VPS35L: variants seen among roughly 807,000 people sequenced by gnomAD.
VPS35L encodes the protein VPS35 endosomal protein-sorting factor-like.
VPS35L carries 83 observed loss-of-function variants against 133.0 expected under a neutral mutation model. That is an observed-to-expected ratio of 0.62 (90% CI 0.52 to 0.75). VPS35L has a LOEUF of 0.75. Ranked by LOEUF, VPS35L falls within the 30% of genes least tolerant of loss-of-function variation. The pLI is 0.00. For missense variants in VPS35L, 1,083 were observed against 1,206.8 expected (o/e 0.90, Z 1.52); for synonymous variants, 423 against 449.9 (o/e 0.94, Z 0.76).
In VPS35L at chr16:19,590,127, C is replaced by T. The variant is rs571566276; in HGVS notation, c.640-1663C>T. ...TCAGCACTATTGTTTTTACAGCTTA[C>T]ATTCCCGCCCCGCCCCCCCCCCCCC... On this transcript the variant is annotated intron_variant, in intron 7 of 30. Transcript: ENST00000417362. Among the ~76,000 whole-genome samples, 5 of 99,848 alleles carry T rather than the reference C, an allele frequency of 5.0e-5. No individual in the cohort carries two copies. In the East Asian group the frequency reaches 1.8e-3, roughly 36 times the overall value. The allele number at this position is 99,848 out of a possible 152,430, so 65.5% of individuals were successfully genotyped here.
chr16:19,618,869 C>G (rs1322091333), intron 14 of VPS35L, among the ~76,000 whole-genome samples: 2 of 151,228 alleles, frequency 1.3e-5, no homozygotes. Context: ...GACAGAACAT[C>G]ACTGGAGTGT....
intron 4 of VPS35L, among the ~76,000 whole-genome samples, chr16:19,573,690 G>A (rs1048460963): frequency 6.6e-6 from 1 of 152,138 alleles, no homozygotes; most frequent in East Asian, 1.9e-4. Context: ...GCGGGCACCT[G>A]TAATCCTAGC....
At chr16:19,587,262 T>G in intron 7 of VPS35L, 1 of 425,280 alleles carries the variant, frequency 2.4e-6, no homozygotes, top group South Asian at 1.7e-5. Flanking sequence ...GACATGAGAT[T>G]TGGGTGGGAA....
At chr16:19,690,086 T>C (rs1164255315) in intron 28 of VPS35L, among the ~76,000 whole-genome samples, 1 of 151,988 alleles carries the variant, frequency 6.6e-6, no homozygotes, top group Non-Finnish European at 1.5e-5. Flanking sequence ...CTAATTTTAT[T>C]TGGAGAGATG....
intron 11 of VPS35L, 118 bp downstream of exon 11, chr16:19,609,139 A>G (rs901245051): frequency 4.8e-6 from 4 of 836,562 alleles, no homozygotes; most frequent in Non-Finnish European, 7.8e-6. Context: ...ATGTGTGTTA[A>G]GCACCTTCTG....
In VPS35L at chr16:19,573,098, GATT is replaced by G. The variant is rs1971432213; in HGVS notation, c.286-18_286-16del. 6.2e-7 allele frequency: 1 copy of G among 1,610,636 alleles called. No individual in the cohort carries two copies. Among genetic ancestry groups the G allele is most frequent in the Non-Finnish European group, 8.5e-7 (1 of 1,178,050 alleles). ...ATCAAAATGATATTGCTGCTGAAGA[GATT>G]ATCTTGCCTTTCTTTAGGACAGCTC... On this transcript the variant is annotated intron_variant, in intron 3 of 30. Transcript: ENST00000417362.
intron 26 of VPS35L, among the ~76,000 whole-genome samples, chr16:19,667,750 AAC>A (rs1974743199): frequency 1.3e-5 from 2 of 151,890 alleles, no homozygotes; most frequent in African/African-American, 4.8e-5. Flanking sequence ...AAAAAAAAAA[AAC>A]CAGAAAAAAA....
intron 14 of VPS35L, chr16:19,617,597 T>A (rs1052361677): frequency 7.9e-5 from 12 of 152,266 alleles, no homozygotes; most frequent in Non-Finnish European, 1.5e-4. Context: ...CCAGTTGAAG[T>A]ATTGTCAGGA....
intron 28 of VPS35L, among the ~76,000 whole-genome samples, chr16:19,689,040 CTTTTTTT>C (rs766276644): frequency 1.5e-5 from 2 of 134,692 alleles, no homozygotes; most frequent in Non-Finnish European, 3.2e-5. Context: ...GGTGTCTCTT[CTTTTTTT>C]TTTTTTTTTT....
At chr16:19,596,001 G>A (rs531870774) in intron 8 of VPS35L, among the ~76,000 whole-genome samples, 50 of 152,128 alleles carry the variant, frequency 3.3e-4, no homozygotes, top group African/African-American at 1.1e-3. Flanking sequence ...AAAATTAGCC[G>A]GGCATGGTGG....
chr16:19,615,557 G>A (rs1972858934), intron 12 of VPS35L, among the ~76,000 whole-genome samples: 1 of 152,160 alleles, frequency 6.6e-6, no homozygotes, highest in South Asian at 2.1e-4. Flanking sequence ...GGCTGAGGCA[G>A]GAGAATTGCT....
At chr16:19,667,713 G>A (rs1459581634) in intron 26 of VPS35L, among the ~76,000 whole-genome samples, 4 of 143,658 alleles carry the variant, frequency 2.8e-5, no homozygotes, top group African/African-American at 1.0e-4. Context: ...CAGCCTGTGC[G>A]ACAGAGCAAG....
Position 19,691,371 on chromosome 16 carries a change from TC to T in VPS35L, c.2547del (p.Tyr850ThrfsTer18). ...HIDKVDSNDS[L>X]YGGDSKFLAE... ...TCAACAGTGGACTCCAACGACAGCCTCTACGGGGGAGACTCCAAGTTCCTGG... is the reference window on the plus strand; with the variant it reads ...TCAACAGTGGACTCCAACGACAGCCTTACGGGGGAGACTCCAAGTTCCTGG... On this transcript the variant is annotated frameshift_variant, in exon 29 of 31. Coordinates refer to ENST00000417362, the MANE Select transcript of VPS35L (RefSeq NM_020314.7). LOFTEE classifies it high-confidence loss of function. 1 of 1,613,778 alleles carries T rather than the reference TC, an allele frequency of 6.2e-7. No individual in the cohort carries two copies. Among genetic ancestry groups the T allele is most frequent in the Non-Finnish European group, 8.5e-7 (1 of 1,179,734 alleles).
chr16:19,628,596 T>C, intron 16 of VPS35L, 41 bp from the exon 17 acceptor site: 1 of 1,131,762 alleles, frequency 8.8e-7, no homozygotes, highest in Middle Eastern at 2.0e-4. Context: ...GTTAATTTGA[T>C]TTAAAATTTC....
At chr16:19,597,034 CCAA>C (rs968851192) in intron 8 of VPS35L, among the ~76,000 whole-genome samples, 2 of 150,142 alleles carry the variant, frequency 1.3e-5, no homozygotes, top group African/African-American at 4.9e-5. Context: ...AACAATCAAA[CCAA>C]CAACAACAAC....
At chr16:19,585,399 CTTTTTTCT>C (rs1971830234) in intron 7 of VPS35L, among the ~76,000 whole-genome samples, 1 of 145,350 alleles carries the variant, frequency 6.9e-6, no homozygotes, top group Non-Finnish European at 1.5e-5. Context: ...CTTCTGTTTT[CTTTTTTCT>C]TTTTTTTTTT....
intron 19 of VPS35L, among the ~76,000 whole-genome samples, chr16:19,634,937 A>C (rs1214128063): frequency 6.6e-6 from 1 of 152,190 alleles, no homozygotes; most frequent in Non-Finnish European, 1.5e-5. Flanking sequence ...GTGCCTGCAG[A>C]TGTAGTACCC....
chr16:19,621,121 G>A (rs1275450883), intron 14 of VPS35L, among the ~76,000 whole-genome samples: 1 of 151,788 alleles, frequency 6.6e-6, no homozygotes, highest in East Asian at 1.9e-4. Context: ...GAGAAGAGAG[G>A]GCCATCTAGA....
intron 15 of VPS35L, among the ~76,000 whole-genome samples, chr16:19,626,533 G>A (rs988975831): frequency 2.6e-5 from 4 of 152,154 alleles, no homozygotes; most frequent in Non-Finnish European, 4.4e-5. Flanking sequence ...AGGCTGAGGC[G>A]TGTGGATCAC....
Sources: allele counts gnomAD v4.1 joint callset (sites outside exome capture counted in the v4.1 genomes callset), GRCh38; gene constraint gnomAD v4.1.1; transcripts MANE v1.5; gene names NCBI Gene and HGNC (gene_info 2026-07-23, HGNC 2026-07-21).